Variants in NALF1 observed in about 807,000 individuals in gnomAD.
NALF1 encodes NALCN channel auxiliary factor 1.
NALF1 carries 3 observed loss-of-function variants against 48.4 expected under a neutral mutation model. That is an observed-to-expected ratio of 0.06 (90% CI 0.03 to 0.16). The LOEUF (loss-of-function observed/expected upper bound fraction) is 0.16, where lower values mean the gene tolerates loss of function less well. Ranked by LOEUF, NALF1 falls within the 10% of genes least tolerant of loss-of-function variation. The pLI, the probability that NALF1 is intolerant of heterozygous loss-of-function variation, is 1.00. For synonymous variants in NALF1, 262 were observed against 245.7 expected (o/e 1.07, Z -0.62); for missense variants, 526 against 571.5 (o/e 0.92, Z 0.81).
At chr13:107,381,655 G>A (rs1402064787) in intron 1 of NALF1, among the ~76,000 whole-genome samples, 1 of 152,074 alleles carries the variant, frequency 6.6e-6, no homozygotes, top group Non-Finnish European at 1.5e-5. Context: ...AATAATGGAT[G>A]GAATATCTAA....
chr13:107,596,253 G>C (rs892645944), intron 1 of NALF1, among the ~76,000 whole-genome samples: 1 of 152,184 alleles, frequency 6.6e-6, no homozygotes, highest in Non-Finnish European at 1.5e-5. Context: ...CATTGTGAAA[G>C]ACAGTGTGGC....
intron 1 of NALF1, among the ~76,000 whole-genome samples, chr13:107,797,372 AT>A (rs987878528): frequency 4.0e-4 from 61 of 150,958 alleles, no homozygotes; most frequent in African/African-American, 1.3e-3. Flanking sequence ...TGCCCGGCTA[AT>A]TTTTTTTTCG....
intron 1 of NALF1, among the ~76,000 whole-genome samples, chr13:107,607,751 T>C (rs1879112455): frequency 6.6e-6 from 1 of 152,162 alleles, no homozygotes; most frequent in Admixed American, 6.5e-5. Flanking sequence ...GGCAATTTAC[T>C]TAACTACCCT....
intron 1 of NALF1, 138 bp downstream of exon 1, chr13:107,865,544 C>G (rs566817988): frequency 8.4e-7 from 1 of 1,190,274 alleles, no homozygotes; most frequent in African/African-American, 1.5e-5. Context: ...AAACAGCAAG[C>G]CAAGCTCTTA....
At chr13:107,863,786 G>A (rs1050878850) in intron 1 of NALF1, among the ~76,000 whole-genome samples, 27 of 152,118 alleles carry the variant, frequency 1.8e-4, no homozygotes, top group African/African-American at 6.3e-4. Context: ...GGTAATTTAG[G>A]TTAAGGGGAA....
At chr13:107,490,529 CAG>C (rs1304687131) in intron 1 of NALF1, among the ~76,000 whole-genome samples, 2 of 152,002 alleles carry the variant, frequency 1.3e-5, no homozygotes, top group African/African-American at 4.8e-5. Flanking sequence ...GATGGACACA[CAG>C]AGGGGAATAA....
intron 1 of NALF1, among the ~76,000 whole-genome samples, chr13:107,434,895 AC>A (rs199901809): frequency 0.012 from 1,806 of 152,270 alleles, 17 homozygotes; most frequent in South Asian, 0.027. Flanking sequence ...GGATACACAC[AC>A]CCTGACGTGG....
At chr13:107,191,477 TG>T (rs994498363) in intron 2 of NALF1, among the ~76,000 whole-genome samples, 1 of 152,160 alleles carries the variant, frequency 6.6e-6, no homozygotes, top group African/African-American at 2.4e-5. Flanking sequence ...CTGAAAGTCT[TG>T]GAAGACCTAT....
At chr13:107,308,538 C>G (rs963948448) in intron 1 of NALF1, among the ~76,000 whole-genome samples, 8 of 151,848 alleles carry the variant, frequency 5.3e-5, no homozygotes, top group African/African-American at 1.9e-4. Flanking sequence ...CAATCATAGC[C>G]AAAATTTTAA....
chr13:107,710,168 CA>C, intron 1 of NALF1, among the ~76,000 whole-genome samples: 1 of 145,980 alleles, frequency 6.9e-6, no homozygotes, highest in South Asian at 2.3e-4. Context: ...AGAAAAGAAA[CA>C]AGAAAAAAAA....
chr13:107,559,986 C>T (rs112167412), intron 1 of NALF1, among the ~76,000 whole-genome samples: 2 of 152,096 alleles, frequency 1.3e-5, no homozygotes, highest in African/African-American at 2.4e-5. Context: ...AGGAAGGAGG[C>T]GGAGATCTTC....
At chr13:107,624,365 T>C (rs1024210071) in intron 1 of NALF1, among the ~76,000 whole-genome samples, 3 of 152,130 alleles carry the variant, frequency 2.0e-5, no homozygotes, top group Non-Finnish European at 4.4e-5. Context: ...AAATTCAATT[T>C]ATTTTTAATA....
At chr13:107,358,019 G>T (rs1882992606) in intron 1 of NALF1, among the ~76,000 whole-genome samples, 2 of 151,992 alleles carry the variant, frequency 1.3e-5, no homozygotes, top group African/African-American at 2.4e-5. Context: ...ATAAATAAAT[G>T]ACTACATGTA....
At chr13:107,770,131 T>A (rs370035755) in intron 1 of NALF1, among the ~76,000 whole-genome samples, 4 of 152,264 alleles carry the variant, frequency 2.6e-5, no homozygotes, top group East Asian at 1.9e-4. Context: ...GCCAGGATGG[T>A]CTCGATCTCC....
At chr13:107,624,547 A>G (rs1056382327) in intron 1 of NALF1, among the ~76,000 whole-genome samples, 6 of 152,140 alleles carry the variant, frequency 3.9e-5, no homozygotes, top group Non-Finnish European at 5.9e-5. Context: ...GGACAGCATA[A>G]AGCTTCACTT....
At chr13:107,304,351 G>C (rs185276699) in intron 1 of NALF1, among the ~76,000 whole-genome samples, 1 of 152,180 alleles carries the variant, frequency 6.6e-6, no homozygotes, top group African/African-American at 2.4e-5. Context: ...ACAAATAAAC[G>C]AGAGATGGAA....
chr13:107,755,020 T>C (rs751832898), intron 1 of NALF1, among the ~76,000 whole-genome samples: 2 of 152,170 alleles, frequency 1.3e-5, no homozygotes, highest in Admixed American at 6.5e-5. Flanking sequence ...TCTCCTTCAG[T>C]AACTGTGTAA....
chr13:107,281,448 G>A (rs1881385931), intron 1 of NALF1, among the ~76,000 whole-genome samples: 1 of 152,174 alleles, frequency 6.6e-6, no homozygotes. Context: ...CAAACAAAAT[G>A]AGAAAAGACA....
intron 1 of NALF1, among the ~76,000 whole-genome samples, chr13:107,237,281 T>G (rs1880373035): frequency 6.6e-6 from 1 of 151,954 alleles, no homozygotes; most frequent in Non-Finnish European, 1.5e-5. Context: ...TAGTTAGTTC[T>G]AAAACATATA....
Sources: allele counts gnomAD v4.1 joint callset (sites outside exome capture counted in the v4.1 genomes callset), GRCh38; gene constraint gnomAD v4.1.1; transcripts MANE v1.5; gene names NCBI Gene and HGNC (gene_info 2026-07-23, HGNC 2026-07-21).